Variants in LAMA2 observed in about 807,000 individuals in gnomAD.
LAMA2 encodes laminin subunit alpha-2.
LAMA2 carries 269 observed loss-of-function variants against 364.8 expected under a neutral mutation model. The ratio of observed to expected loss-of-function variants is 0.74; its 90% CI spans 0.67 to 0.82. LAMA2 has a LOEUF of 0.82. LAMA2 is among the 40% of genes least tolerant of loss of function. The pLI, the probability that LAMA2 is intolerant of heterozygous loss-of-function variation, is 0.00. For synonymous variants in LAMA2, 1,379 were observed against 1,370.6 expected (o/e 1.01, Z -0.14); for missense variants, 3,807 against 3,873.2 (o/e 0.98, Z 0.45).
chr6:129,021,962 G>A (rs1188504817), intron 1 of LAMA2, among the ~76,000 whole-genome samples: 1 of 152,210 alleles, frequency 6.6e-6, no homozygotes, highest in Non-Finnish European at 1.5e-5. Flanking sequence ...ATGGCAGGCA[G>A]CTTTATGAAC....
intron 30 of LAMA2, among the ~76,000 whole-genome samples, chr6:129,342,904 CAAG>C (rs1418509852): frequency 1.3e-5 from 2 of 151,868 alleles, no homozygotes; most frequent in African/African-American, 4.8e-5. Flanking sequence ...AAATAATTAT[CAAG>C]AAAACATTGA....
At chr6:129,384,207 T>C (rs1778849779) in intron 35 of LAMA2, among the ~76,000 whole-genome samples, 2 of 152,206 alleles carry the variant, frequency 1.3e-5, no homozygotes, top group East Asian at 3.8e-4. Context: ...TCTCAGTTAA[T>C]TCATTGTGGT....
chr6:129,240,117 G>C (rs540357279), intron 12 of LAMA2, among the ~76,000 whole-genome samples: 1 of 152,302 alleles, frequency 6.6e-6, no homozygotes, highest in African/African-American at 2.4e-5. Flanking sequence ...TGATGTTCAA[G>C]GGCAGGAAGC....
intron 1 of LAMA2, chr6:128,929,319 A>G: frequency 8.4e-7 from 1 of 1,195,892 alleles, no homozygotes; most frequent in South Asian, 1.2e-5. Flanking sequence ...TCACTCTCAC[A>G]GAGCCAAGTA....
chr6:129,428,199 G>A (rs1198005883), intron 41 of LAMA2, among the ~76,000 whole-genome samples: 1 of 152,164 alleles, frequency 6.6e-6, no homozygotes, highest in Non-Finnish European at 1.5e-5. Flanking sequence ...GGAGGCCGAG[G>A]CAGGAGGATC....
intron 47 of LAMA2, among the ~76,000 whole-genome samples, chr6:129,455,339 A>T (rs1214937067): frequency 6.6e-6 from 1 of 152,092 alleles, no homozygotes; most frequent in Admixed American, 6.6e-5. Flanking sequence ...TGTGAGAGAG[A>T]GTGACAGAGT....
At position 129,098,388 on chromosome 6, in the gene LAMA2, C is replaced by G. The variant is rs201236591; in HGVS notation, c.612C>G (p.Ser204=). 1.5e-4 allele frequency: 249 copies of G among 1,613,942 alleles called. 3 individuals are homozygous for G. The Admixed American group carries it at 4.0e-3, about 26-fold the overall frequency. The change falls in exon 4 of 65, where the codon TCC becomes TCG. Residue 204 remains serine (S), a synonymous_variant. Coordinates refer to ENST00000421865, the MANE Select transcript of LAMA2 (RefSeq NM_000426.4). ...DDEVICTSFY[S]KIHPLENGEI... is the part of the protein sequence containing the mutation. ...AGGTCATCTGCACTTCATTTTACTCCAAGATACACCCCTTAGAAAATGGAG... is the reference window on the plus strand; with the variant it reads ...AGGTCATCTGCACTTCATTTTACTCGAAGATACACCCCTTAGAAAATGGAG...
At chr6:129,004,576 T>G (rs931940855) in intron 1 of LAMA2, among the ~76,000 whole-genome samples, 3 of 152,196 alleles carry the variant, frequency 2.0e-5, no homozygotes, top group Non-Finnish European at 2.9e-5. Flanking sequence ...GACTGCTAAA[T>G]GATCACAGCC....
chr6:129,308,067 A>G (rs928014382), intron 22 of LAMA2, among the ~76,000 whole-genome samples: 1 of 152,268 alleles, frequency 6.6e-6, no homozygotes, highest in Non-Finnish European at 1.5e-5. Context: ...AAACAAGCAT[A>G]TTGATGATTC....
intron 4 of LAMA2, among the ~76,000 whole-genome samples, chr6:129,131,669 A>C (rs76154091): frequency 0.051 from 7,810 of 152,250 alleles, 708 homozygotes; most frequent in African/African-American, 0.18. Context: ...ATCCTACAAA[A>C]CTAGTAAATA....
intron 37 of LAMA2, among the ~76,000 whole-genome samples, chr6:129,398,764 G>T (rs1350774816): frequency 6.6e-6 from 1 of 152,082 alleles, no homozygotes; most frequent in East Asian, 1.9e-4. Flanking sequence ...ATGAGCCACC[G>T]TGCCTGACCC....
At chr6:129,063,527 C>T (rs555586851) in intron 3 of LAMA2, among the ~76,000 whole-genome samples, 5 of 152,208 alleles carry the variant, frequency 3.3e-5, no homozygotes, top group Non-Finnish European at 7.4e-5. Flanking sequence ...GGCAGCTTTT[C>T]AGTAGACTTT....
At chr6:129,489,302 C>T (rs1438793819) in intron 56 of LAMA2, among the ~76,000 whole-genome samples, 2 of 152,160 alleles carry the variant, frequency 1.3e-5, no homozygotes, top group African/African-American at 4.8e-5. Context: ...TCAAGAAGCT[C>T]CTTCTCCCTT....
intron 6 of LAMA2, among the ~76,000 whole-genome samples, chr6:129,147,814 T>C (rs1778559016): frequency 6.6e-6 from 1 of 152,114 alleles, no homozygotes; most frequent in African/African-American, 2.4e-5. Context: ...TTTCTGATGA[T>C]TGGATTATAA....
intron 30 of LAMA2, among the ~76,000 whole-genome samples, chr6:129,346,664 C>G (rs530895706): frequency 1.3e-5 from 2 of 152,232 alleles, no homozygotes; most frequent in South Asian, 4.1e-4. Flanking sequence ...CAACTCAATG[C>G]TAGGCATGGC....
chr6:129,472,971 C>T (rs1230565739), intron 51 of LAMA2, among the ~76,000 whole-genome samples: 1 of 151,852 alleles, frequency 6.6e-6, no homozygotes, highest in African/African-American at 2.4e-5. Context: ...TCTCTTTTAT[C>T]TTCATTGGTT....
At chr6:129,215,226 G>A (rs1783351232) in intron 12 of LAMA2, among the ~76,000 whole-genome samples, 1 of 152,068 alleles carries the variant, frequency 6.6e-6, no homozygotes. Context: ...CATATCTCAA[G>A]GTTATAGATA....
At chr6:128,888,731 A>G (rs1164811926) in intron 1 of LAMA2, among the ~76,000 whole-genome samples, 2 of 152,204 alleles carry the variant, frequency 1.3e-5, no homozygotes, top group Non-Finnish European at 2.9e-5. Context: ...GGAAACTGGA[A>G]CACATAGCAT....
At chr6:128,973,985 AT>A (rs2114623009) in intron 1 of LAMA2, among the ~76,000 whole-genome samples, 1 of 152,200 alleles carries the variant, frequency 6.6e-6, no homozygotes, top group African/African-American at 2.4e-5. Flanking sequence ...TCAAATAAGT[AT>A]TTTTCCCTCC....
Sources: allele counts gnomAD v4.1 joint callset (sites outside exome capture counted in the v4.1 genomes callset), GRCh38; gene constraint gnomAD v4.1.1; transcripts MANE v1.5; gene names NCBI Gene and HGNC (gene_info 2026-07-23, HGNC 2026-07-21).